Variants in COG5 observed in about 807,000 individuals in gnomAD.
The protein encoded by COG5 is conserved oligomeric Golgi complex subunit 5.
A neutral mutation model predicts 110.4 loss-of-function variants in COG5; 86 were observed. That is an observed-to-expected ratio of 0.78 (90% CI 0.65 to 0.93). The LOEUF (loss-of-function observed/expected upper bound fraction) is 0.93. Ranked by LOEUF, COG5 falls within the 40% of genes least tolerant of loss-of-function variation. The probability of loss-of-function intolerance (pLI) is 0.00; values close to 1 mark genes in which losing one functional copy is unlikely to be tolerated. For synonymous variants in COG5, 360 were observed against 334.6 expected (o/e 1.08, Z -0.83); for missense variants, 1,077 against 987.0 (o/e 1.09, Z -1.22).
intron 6 of COG5, among the ~76,000 whole-genome samples, chr7:107,423,872 A>C (rs969961288): frequency 6.6e-6 from 1 of 152,118 alleles, no homozygotes; most frequent in African/African-American, 2.4e-5. Context: ...TCTATAGCTA[A>C]TAAGTCAACA....
intron 11 of COG5, among the ~76,000 whole-genome samples, chr7:107,320,727 G>C (rs1180376928): frequency 6.6e-6 from 1 of 152,122 alleles, no homozygotes; most frequent in Non-Finnish European, 1.5e-5. Flanking sequence ...TATAATTAAA[G>C]GTATAAATAT....
At chr7:107,334,384 T>C (rs1051546543) in intron 10 of COG5, among the ~76,000 whole-genome samples, 3 of 151,706 alleles carry the variant, frequency 2.0e-5, no homozygotes, top group Non-Finnish European at 2.9e-5. Flanking sequence ...TTGAAGATTA[T>C]AAAAAAAACT....
At chr7:107,261,163 T>C (rs1803311027) in intron 14 of COG5, among the ~76,000 whole-genome samples, 1 of 152,104 alleles carries the variant, frequency 6.6e-6, no homozygotes, top group African/African-American at 2.4e-5. Flanking sequence ...CTGCCTTTGG[T>C]TGAAAAATAT....
intron 6 of COG5, among the ~76,000 whole-genome samples, chr7:107,476,405 C>T (rs1320207181): frequency 6.6e-6 from 1 of 151,318 alleles, no homozygotes. Context: ...ATGTTCCCAC[C>T]AAATCATAGC....
intron 6 of COG5, among the ~76,000 whole-genome samples, chr7:107,482,287 C>A (rs1230934576): frequency 2.6e-5 from 4 of 151,640 alleles, no homozygotes; most frequent in African/African-American, 9.7e-5. Flanking sequence ...GGACTACAGG[C>A]AGGCACCACC....
intron 5 of COG5, among the ~76,000 whole-genome samples, chr7:107,528,046 C>T (rs535516400): frequency 3.9e-5 from 6 of 152,172 alleles, no homozygotes; most frequent in East Asian, 1.9e-4. Flanking sequence ...TTCCTATATC[C>T]TGCAGGAGTA....
chr7:107,266,991 C>T (rs1803854271), intron 14 of COG5, among the ~76,000 whole-genome samples: 2 of 152,108 alleles, frequency 1.3e-5, no homozygotes, highest in African/African-American at 4.8e-5. Flanking sequence ...TAACATCAGG[C>T]TAAATCTTCA....
At chr7:107,267,337 C>CCTCT (rs746825518) in intron 14 of COG5, among the ~76,000 whole-genome samples, 1 of 152,150 alleles carries the variant, frequency 6.6e-6, no homozygotes, top group African/African-American at 2.4e-5. Context: ...AATCTATTAT[C>CCTCT]CTCTCTAAGA....
At chr7:107,481,918 C>G (rs1314428501) in intron 6 of COG5, among the ~76,000 whole-genome samples, 1 of 151,984 alleles carries the variant, frequency 6.6e-6, no homozygotes, top group Non-Finnish European at 1.5e-5. Context: ...AAAAAAGTAC[C>G]TGATACATAC....
intron 11 of COG5, among the ~76,000 whole-genome samples, chr7:107,317,837 C>A (rs1408092639): frequency 6.6e-6 from 1 of 152,100 alleles, no homozygotes; most frequent in African/African-American, 2.4e-5. Context: ...TTAGAATGAG[C>A]GGACAAGGGC....
intron 17 of COG5, among the ~76,000 whole-genome samples, chr7:107,237,670 G>T (rs574568219): frequency 6.6e-6 from 1 of 152,352 alleles, no homozygotes; most frequent in African/African-American, 2.4e-5. Context: ...GATAGAAGAA[G>T]TAGGCCTATG....
chr7:107,322,844 G>GTATATTATACAATAAAAAATT lies in COG5; in HGVS notation c.1108+1595_1108+1596insAATTTTTTATTGTATAATATA, dbSNP rs1233327077. On this transcript the variant is annotated intron_variant, in intron 11 of 21. Transcript: ENST00000297135. ...AACTGCAGAATGGATAAAAAATTGT[G>GTATATTATACAATAAAAAATT]GTATATATCTACACAATGGAATACA... is the stretch of plus-strand genomic sequence containing the variant. 2.6e-5 allele frequency among the ~76,000 whole-genome samples: 4 copies of GTATATTATACAATAAAAAATT among 151,888 alleles called. No homozygotes were observed. The South Asian group carries it at 8.3e-4, about 32-fold the overall frequency.
intron 6 of COG5, among the ~76,000 whole-genome samples, chr7:107,492,327 T>G (rs544529001): frequency 6.6e-6 from 1 of 152,106 alleles, no homozygotes; most frequent in Non-Finnish European, 1.5e-5. Flanking sequence ...ATGCTGCATG[T>G]ATTAGTTTCT....
chr7:107,237,069 T>C (rs1801250297), intron 17 of COG5, among the ~76,000 whole-genome samples: 1 of 152,232 alleles, frequency 6.6e-6, no homozygotes, highest in Admixed American at 6.5e-5. Flanking sequence ...AATGCATCAA[T>C]AATGGATCCT....
At chr7:107,411,211 C>T (rs371675760) in intron 7 of COG5, among the ~76,000 whole-genome samples, 47 of 152,282 alleles carry the variant, frequency 3.1e-4, no homozygotes, top group Admixed American at 1.9e-3. Flanking sequence ...TCAAATCCAG[C>T]GGCCACTTCT....
At chr7:107,340,874 T>C (rs1027526408) in intron 10 of COG5, among the ~76,000 whole-genome samples, 1 of 152,072 alleles carries the variant, frequency 6.6e-6, no homozygotes, top group African/African-American at 2.4e-5. Context: ...CAAAGGAACA[T>C]ACCTCAAAAC....
intron 21 of COG5, among the ~76,000 whole-genome samples, chr7:107,206,046 C>T (rs1213719783): frequency 1.3e-5 from 2 of 151,818 alleles, no homozygotes; most frequent in African/African-American, 2.4e-5. Flanking sequence ...CTGCAAGCTC[C>T]GCCTCCTGGG....
At position 107,310,338 on chromosome 7, in the gene COG5, A is replaced by G. The variant is rs1186555772; in HGVS notation, c.1109-11992T>C. Reference sequence around the variant, plus strand: ...GTGGAATAAAAAGCTCATAAACTTTATAAAGATGTTTCACAGAATTTAAGC... The same window carrying G: ...GTGGAATAAAAAGCTCATAAACTTTGTAAAGATGTTTCACAGAATTTAAGC... On this transcript the variant is annotated intron_variant, in intron 11 of 21. Transcript: ENST00000297135. Among the ~76,000 whole-genome samples, 4 of 152,240 alleles carry G rather than the reference A, an allele frequency of 2.6e-5. 1 individual carries two copies. Among genetic ancestry groups the G allele is most frequent in the Admixed American group, 2.6e-4 (4 of 15,288 alleles).
chr7:107,338,516 AAAC>A (rs1230301133), intron 10 of COG5, among the ~76,000 whole-genome samples: 10 of 152,282 alleles, frequency 6.6e-5, no homozygotes, highest in African/African-American at 2.4e-4. Context: ...GATTAGACTT[AAAC>A]ATAAGACCTA....
Sources: allele counts gnomAD v4.1 joint callset (sites outside exome capture counted in the v4.1 genomes callset), GRCh38; gene constraint gnomAD v4.1.1; transcripts MANE v1.5; gene names NCBI Gene and HGNC (gene_info 2026-07-23, HGNC 2026-07-21).